PTPN21: variants seen among roughly 807,000 people sequenced by gnomAD.
PTPN21 encodes tyrosine-protein phosphatase non-receptor type 21.
In PTPN21, 77 loss-of-function variants were observed where a neutral mutation model predicts 131.8. The ratio of observed to expected loss-of-function variants is 0.58; its 90% CI spans 0.49 to 0.71. PTPN21 has a LOEUF of 0.71. Ranked by LOEUF, PTPN21 falls within the 30% of genes least tolerant of loss-of-function variation. The pLI, the probability that PTPN21 is intolerant of heterozygous loss-of-function variation, is 0.00. For missense variants in PTPN21, 1,552 were observed against 1,527.1 expected, an observed-to-expected ratio of 1.02 and a Z score of -0.27; for synonymous variants, 715 against 621.3, an observed-to-expected ratio of 1.15 and a Z score of -2.24.
chr14:88,517,665 T>TATATATACACAC (rs1405574577), intron 2 of PTPN21, among the ~76,000 whole-genome samples: 1 of 147,556 alleles, frequency 6.8e-6, no homozygotes, highest in African/African-American at 2.5e-5. Flanking sequence ...TATATACACA[T>TATATATACACAC]ACACACACAT....
At chr14:88,497,093 ATAT>A in intron 9 of PTPN21, 107 bp downstream of exon 9, 1 of 943,504 alleles carries the variant, frequency 1.1e-6, no homozygotes, top group Non-Finnish European at 1.6e-6. Flanking sequence ...CAATTACAAA[ATAT>A]TATCATTTTA....
intron 10 of PTPN21, among the ~76,000 whole-genome samples, chr14:88,490,405 T>C (rs183296649): frequency 3.3e-5 from 5 of 152,250 alleles, no homozygotes; most frequent in Non-Finnish European, 7.4e-5. Flanking sequence ...CAGGGGTCCA[T>C]GTCCCCATAC....
intron 10 of PTPN21, among the ~76,000 whole-genome samples, chr14:88,488,580 T>C (rs2077771542): frequency 6.6e-6 from 1 of 152,204 alleles, no homozygotes; most frequent in African/African-American, 2.4e-5. Flanking sequence ...TTTGGGCAGT[T>C]ACTATGTTGA....
chr14:88,500,924 T>C (rs1316495701), intron 7 of PTPN21, 53 bp from the exon 8 acceptor site: 2 of 1,313,204 alleles, frequency 1.5e-6, no homozygotes, highest in African/African-American at 2.9e-5. Context: ...GCAGAGGAAC[T>C]GCTGCTAGAG....
intron 1 of PTPN21, among the ~76,000 whole-genome samples, chr14:88,552,723 T>C (rs1202896165): frequency 6.6e-6 from 1 of 152,218 alleles, no homozygotes; most frequent in East Asian, 1.9e-4. Context: ...TATTAAAAGA[T>C]ATGGTTTCCA....
intron 10 of PTPN21, among the ~76,000 whole-genome samples, chr14:88,494,964 G>C (rs1460826397): frequency 8.1e-6 from 1 of 123,132 alleles, no homozygotes; most frequent in East Asian, 2.8e-4. Flanking sequence ...AGTGAGCCAA[G>C]ATCGTGCCAC....
At chr14:88,539,889 C>G (rs899235113) in intron 2 of PTPN21, among the ~76,000 whole-genome samples, 1 of 152,204 alleles carries the variant, frequency 6.6e-6, no homozygotes, top group East Asian at 1.9e-4. Flanking sequence ...CCTTAAGTCA[C>G]TAAGCATAAA....
chr14:88,536,472 ACCAAGTTTTTTGTTCAAAG>A (rs1351247923), intron 2 of PTPN21, among the ~76,000 whole-genome samples: 4 of 152,216 alleles, frequency 2.6e-5, no homozygotes, highest in African/African-American at 9.6e-5. Flanking sequence ...TGATTTGATA[ACCAAGTTTTTTGTTCAAAG>A]CAAAAGAGAG....
chr14:88,549,379 T>G (rs1231739935), intron 2 of PTPN21, among the ~76,000 whole-genome samples: 3 of 152,184 alleles, frequency 2.0e-5, no homozygotes, highest in Non-Finnish European at 4.4e-5. Context: ...CACATTTGAT[T>G]CTGGATTACC....
At chr14:88,476,922 G>A (rs1474369705) in intron 13 of PTPN21, among the ~76,000 whole-genome samples, 2 of 152,168 alleles carry the variant, frequency 1.3e-5, no homozygotes, top group East Asian at 1.9e-4. Context: ...AGATTTAACT[G>A]AACCTACCAG....
rs1200130976 is a variant in PTPN21, at chr14:88,554,635, G to C, written c.-203+16C>G. 4 of 150,510 alleles carry C rather than the reference G, an allele frequency of 2.7e-5. No individual in the cohort carries two copies. Among genetic ancestry groups the C allele is most frequent in the South Asian group, 2.1e-4 (1 of 4,866 alleles). 9.3% of individuals were successfully genotyped at this position (150,510 alleles called of 1,614,324 possible). On this transcript the variant is annotated intron_variant, in intron 1 of 18. Transcript: ENST00000556564. ...AGCCGCCCGCCCCTCCCGCCGGCCG[G>C]GGACCGCGCCCTCACCTGCTCCCGC...
intron 3 of PTPN21, chr14:88,513,848 GT>G (rs1566836210): frequency 6.6e-6 from 1 of 152,140 alleles, no homozygotes; most frequent in African/African-American, 2.4e-5. Context: ...TTTTTTGTCT[GT>G]TGGCATGAAG....
chr14:88,485,624 G>T (rs1566818333), intron 11 of PTPN21, among the ~76,000 whole-genome samples, 158 bp downstream of exon 11: 2 of 151,826 alleles, frequency 1.3e-5, no homozygotes, highest in Admixed American at 6.6e-5. Flanking sequence ...TATTAGGTTG[G>T]ACCTATGGGA....
chr14:88,522,131 G>A (rs1462750797), intron 2 of PTPN21, among the ~76,000 whole-genome samples: 13 of 152,190 alleles, frequency 8.5e-5, no homozygotes. Flanking sequence ...CAGCTGAAAA[G>A]AATGGTGGGC....
At chr14:88,473,901 T>G in intron 13 of PTPN21, 99 bp from the exon 14 acceptor site, 1 of 1,057,796 alleles carries the variant, frequency 9.5e-7, no homozygotes, top group Non-Finnish European at 1.4e-6. Flanking sequence ...ACAGAGGGAG[T>G]GTTCTCCTTT....
At chr14:88,487,067 A>G (rs550598939) in intron 10 of PTPN21, among the ~76,000 whole-genome samples, 2 of 152,240 alleles carry the variant, frequency 1.3e-5, no homozygotes, top group Admixed American at 6.5e-5. Context: ...CTACTCACAC[A>G]GCAAGTTCTA....
chr14:88,551,517 C>G (rs2078868860), intron 1 of PTPN21: 2 of 152,256 alleles, frequency 1.3e-5, no homozygotes, highest in Non-Finnish European at 2.9e-5. Flanking sequence ...AACCCTCTTT[C>G]TGCAGCCGCG....
At chr14:88,530,961 TCTACCCAA>T (rs2078548741) in intron 2 of PTPN21, among the ~76,000 whole-genome samples, 1 of 152,112 alleles carries the variant, frequency 6.6e-6, no homozygotes, top group Non-Finnish European at 1.5e-5. Context: ...TACAGAACAT[TCTACCCAA>T]CAACTGCAGA....
chr14:88,509,807 G>C (rs775420321), intron 3 of PTPN21, among the ~76,000 whole-genome samples: 1 of 152,210 alleles, frequency 6.6e-6, no homozygotes, highest in Non-Finnish European at 1.5e-5. Flanking sequence ...AAGCCAAGGC[G>C]GGCGGATCAC....
Sources: gnomAD v4.1 joint callset for allele counts (sites outside exome capture counted in the v4.1 genomes callset) on GRCh38, gnomAD v4.1.1 for gene constraint, MANE v1.5 for transcripts, NCBI Gene and HGNC (gene_info 2026-07-23, HGNC 2026-07-21) for gene names.